TEX101: variants seen among roughly 807,000 people sequenced by gnomAD.
TEX101 encodes testis-expressed protein 101.
TEX101 carries 10 observed loss-of-function variants against 18.1 expected under a neutral mutation model. The ratio of observed to expected loss-of-function variants is 0.55; its 90% CI spans 0.34 to 0.94. TEX101 has a LOEUF of 0.94. Among genes scored for constraint, TEX101 ranks in the 40% least tolerant of loss-of-function variants. The pLI is 0.02. For missense variants in TEX101, 259 were observed against 298.9 expected (o/e 0.87, Z 0.98); for synonymous variants, 94 against 114.8 (o/e 0.82, Z 1.16).
chr19:43,412,091 G>A (rs1346315225), upstream of TEX101, among the ~76,000 whole-genome samples: 1 of 152,190 alleles, frequency 6.6e-6, no homozygotes, highest in Non-Finnish European at 1.5e-5. Context: ...GTGTATTGGG[G>A]TGTTCTTGCA....
chr19:43,411,987 G>A (rs1266725795), upstream of TEX101, among the ~76,000 whole-genome samples: 1 of 152,160 alleles, frequency 6.6e-6, no homozygotes, highest in Non-Finnish European at 1.5e-5. Context: ...TGAGGACACT[G>A]AAGCTTGGAG....
At chr19:43,392,373 G>A in the TEX101 span, among the ~76,000 whole-genome samples, 10 of 152,044 alleles carry the variant, frequency 6.6e-5, no homozygotes, top group African/African-American at 2.2e-4. Flanking sequence ...TTATAATCCA[G>A]AAAAGAGAGA....
rs184333140 is a variant in TEX101 at position 43,416,086 on chromosome 19, G to C, written c.65-13G>C. Reference sequence around the variant, plus strand: ...ATGGAGAAGTGCTTATCCTTTTCTTGTTTTCTCCTCAGCGGGCCTAGAGCT... The same window carrying C: ...ATGGAGAAGTGCTTATCCTTTTCTTCTTTTCTCCTCAGCGGGCCTAGAGCT... On this transcript the variant is annotated splice_polypyrimidine_tract_variant and intron_variant, in intron 2 of 5. Coordinates refer to ENST00000598265, the MANE Select transcript of TEX101 (RefSeq NM_001130011.3). 1.6e-5 allele frequency: 25 copies of C among 1,606,030 alleles called. No individual in the cohort carries two copies. The African/African-American group carries it at 3.1e-4, about 20-fold the overall frequency.
chr19:43,394,297 C>T, the TEX101 span, among the ~76,000 whole-genome samples: 34 of 151,982 alleles, frequency 2.2e-4, no homozygotes, highest in Admixed American at 2.2e-3. Context: ...CCCCGCTTCC[C>T]AGACAACTTG....
At chr19:43,401,842 T>C (rs1048406208) in intron 1 of TEX101, among the ~76,000 whole-genome samples, 1 of 149,780 alleles carries the variant, frequency 6.7e-6, no homozygotes, top group Non-Finnish European at 1.5e-5. Context: ...CAAAACTCTG[T>C]CTCAAAAAAA....
chr19:43,415,791 C>G (rs1398065987), intron 1 of TEX101, 90 bp from the exon 2 acceptor site: 4 of 1,139,456 alleles, frequency 3.5e-6, no homozygotes, highest in Non-Finnish European at 5.1e-6. Context: ...TAAAACACCC[C>G]ACCCTGAAGT....
chr19:43,406,180 C>A, intron 2 of TEX101: 1 of 304,960 alleles, frequency 3.3e-6, no homozygotes, highest in Non-Finnish European at 6.0e-6. Context: ...CAAAACACAG[C>A]TTAGGCTGCT....
At chr19:43,415,176 C>CCT (rs2122346286) in intron 1 of TEX101, 138 bp downstream of exon 1, 1 of 483,134 alleles carries the variant, frequency 2.1e-6, no homozygotes, top group Non-Finnish European at 2.7e-6. Flanking sequence ...ACTCCTCGAT[C>CCT]CCTACATAGG....
the TEX101 span, among the ~76,000 whole-genome samples, chr19:43,394,431 A>T: frequency 6.6e-6 from 1 of 151,462 alleles, no homozygotes; most frequent in Non-Finnish European, 1.5e-5. Flanking sequence ...GTACCCTCTT[A>T]GCCTTCAAAT....
the TEX101 span, among the ~76,000 whole-genome samples, chr19:43,389,226 T>C: frequency 6.6e-6 from 1 of 152,162 alleles, no homozygotes; most frequent in Non-Finnish European, 1.5e-5. Flanking sequence ...GAATGTTCTG[T>C]CTTCCCAAGG....
chr19:43,405,814 C>G (rs1970356132), intron 2 of TEX101, among the ~76,000 whole-genome samples: 1 of 151,716 alleles, frequency 6.6e-6, no homozygotes. Flanking sequence ...ATTCGGGAGA[C>G]TGAGGCAGGA....
At chr19:43,395,940 G>C in the TEX101 span, among the ~76,000 whole-genome samples, 2 of 152,146 alleles carry the variant, frequency 1.3e-5, no homozygotes. Flanking sequence ...GGTGTGCATT[G>C]AGCTCTGTGA....
the TEX101 span, among the ~76,000 whole-genome samples, chr19:43,393,593 C>T: frequency 0.012 from 1,863 of 152,014 alleles, 50 homozygotes; most frequent in African/African-American, 0.043. Context: ...TTACAGCAGT[C>T]AGCACTAATA....
chr19:43,396,303 C>T, the TEX101 span, among the ~76,000 whole-genome samples: 1 of 152,296 alleles, frequency 6.6e-6, no homozygotes, highest in Admixed American at 6.5e-5. Flanking sequence ...TTCCTCATTG[C>T]GCTTCCAAAT....
intron 1 of TEX101, among the ~76,000 whole-genome samples, chr19:43,402,375 A>G (rs951868643): frequency 4.6e-5 from 7 of 152,246 alleles, no homozygotes; most frequent in African/African-American, 1.7e-4. Context: ...TGTCACAATA[A>G]TCAAGATGTC....
At chr19:43,393,259 G>C in the TEX101 span, among the ~76,000 whole-genome samples, 1 of 152,182 alleles carries the variant, frequency 6.6e-6, no homozygotes, top group Non-Finnish European at 1.5e-5. Context: ...GATGGAAAGA[G>C]AGAGAGGCAG....
intron 2 of TEX101, among the ~76,000 whole-genome samples, chr19:43,404,399 T>TATC (rs1970343502): frequency 6.6e-6 from 1 of 151,708 alleles, no homozygotes; most frequent in South Asian, 2.1e-4. Flanking sequence ...TGAAATGTGA[T>TATC]ATCTATATTA....
intron 2 of TEX101, among the ~76,000 whole-genome samples, chr19:43,404,362 C>G (rs1970343210): frequency 6.6e-6 from 1 of 152,052 alleles, no homozygotes; most frequent in East Asian, 1.9e-4. Context: ...TCAGCTTCTT[C>G]TAGATTTTGA....
intron 3 of TEX101, among the ~76,000 whole-genome samples, chr19:43,406,724 A>G (rs1970367468): frequency 6.6e-6 from 1 of 152,052 alleles, no homozygotes; most frequent in African/African-American, 2.4e-5. Context: ...GGAAGACAGA[A>G]GCCTCCCGTT....
Sources: gnomAD v4.1 joint callset for allele counts (sites outside exome capture counted in the v4.1 genomes callset) on GRCh38, gnomAD v4.1.1 for gene constraint, MANE v1.5 for transcripts, NCBI Gene and HGNC (gene_info 2026-07-23, HGNC 2026-07-21) for gene names.